The following RBFOX1 variants were observed in gnomAD, a reference collection of about 807,000 sequenced individuals.
The protein encoded by RBFOX1 is RNA binding protein fox-1 homolog 1.
In RBFOX1, 8 loss-of-function variants were observed where a neutral mutation model predicts 57.7. The ratio of observed to expected loss-of-function variants is 0.14; its 90% confidence interval spans 0.08 to 0.25. RBFOX1 has a LOEUF of 0.25. RBFOX1 is among the 10% of genes least tolerant of loss of function. The probability of loss-of-function intolerance (pLI) is 1.00; values close to 1 mark genes in which losing one functional copy is unlikely to be tolerated. For synonymous variants in RBFOX1, 326 were observed against 222.4 expected, an observed-to-expected ratio of 1.47 and a Z score of -4.15; for missense variants, 611 against 548.5, an observed-to-expected ratio of 1.11 and a Z score of -1.14.
At chr16:5,813,807 G>A (rs991184539) in intron 3 of RBFOX1, among the ~76,000 whole-genome samples, 1 of 152,142 alleles carries the variant, frequency 6.6e-6, no homozygotes, top group Non-Finnish European at 1.5e-5. Context: ...AGTCTCACTG[G>A]GAATTTTAGT....
intron 3 of RBFOX1, among the ~76,000 whole-genome samples, chr16:5,669,824 A>T (rs1596673760): frequency 6.6e-6 from 1 of 152,346 alleles, no homozygotes; most frequent in East Asian, 1.9e-4. Flanking sequence ...AACAATTGCC[A>T]TAGGGCCCAG....
intron 3 of RBFOX1, among the ~76,000 whole-genome samples, chr16:6,890,420 G>A (rs528521197): frequency 1.3e-3 from 195 of 152,308 alleles, no homozygotes; most frequent in Middle Eastern, 6.8e-3. Context: ...TTGGAAGGCT[G>A]AGGCTGGAGG....
intron 9 of RBFOX1, among the ~76,000 whole-genome samples, chr16:7,606,749 T>G (rs1037090285): frequency 6.6e-6 from 1 of 152,206 alleles, no homozygotes; most frequent in Non-Finnish European, 1.5e-5. Flanking sequence ...CATCAAAATG[T>G]AGGCCACAGT....
At chr16:6,087,465 T>C (rs2096104676) in intron 1 of RBFOX1, among the ~76,000 whole-genome samples, 1 of 152,160 alleles carries the variant, frequency 6.6e-6, no homozygotes. Flanking sequence ...CTTTCTAGCC[T>C]TTTTTCTCTA....
rs554622377 is a variant in RBFOX1 at position 6,861,279 on chromosome 16, G to T, written c.-15-190778G>T. ...CACTCTAACCATAGTCTTTGCAAAA[G>T]GGTTTTATACAAAAACAAGGTCCCT... On this transcript the variant is annotated intron_variant, in intron 3 of 15. Transcript: ENST00000550418. Among the ~76,000 whole-genome samples the T allele has an allele frequency of 1.5e-3, 234 of 152,158 alleles. 1 individual carries two copies. The highest frequency in any genetic ancestry group is 1.9e-3 in the Non-Finnish European group (128 of 68,000).
intron 4 of RBFOX1, among the ~76,000 whole-genome samples, chr16:7,485,053 A>T (rs1319362910): frequency 1.0e-5 from 1 of 98,992 alleles, no homozygotes; most frequent in South Asian, 5.2e-4. Context: ...GTTCCCCAAC[A>T]TTAATCCACT....
chr16:6,461,477 A>G (rs1472028975), intron 2 of RBFOX1, among the ~76,000 whole-genome samples: 1 of 152,208 alleles, frequency 6.6e-6, no homozygotes, highest in African/African-American at 2.4e-5. Flanking sequence ...ATTCCCATCC[A>G]TGATCTTTCA....
chr16:6,259,017 T>C (rs1234851841), intron 1 of RBFOX1, among the ~76,000 whole-genome samples: 1 of 152,226 alleles, frequency 6.6e-6, no homozygotes, highest in Non-Finnish European at 1.5e-5. Context: ...ATAGACTTTC[T>C]TATGCTCACT....
intron 4 of RBFOX1, among the ~76,000 whole-genome samples, chr16:7,311,367 C>T (rs1466888350): frequency 1.3e-5 from 2 of 152,036 alleles, no homozygotes; most frequent in African/African-American, 2.4e-5. Flanking sequence ...TTTTTTTTCT[C>T]CCCTTTTGTG....
chr16:6,033,275 C>A (rs766977343), intron 1 of RBFOX1, among the ~76,000 whole-genome samples: 18 of 152,128 alleles, frequency 1.2e-4, no homozygotes, highest in Non-Finnish European at 2.4e-4. Context: ...CGTTTCTAGG[C>A]AGGGAATGAT....
intron 2 of RBFOX1, among the ~76,000 whole-genome samples, chr16:6,511,164 A>T (rs1301149822): frequency 6.6e-6 from 1 of 152,152 alleles, no homozygotes; most frequent in Non-Finnish European, 1.5e-5. Flanking sequence ...GGGTTGGTGG[A>T]AAAGCCTCTG....
intron 4 of RBFOX1, among the ~76,000 whole-genome samples, chr16:7,104,110 A>G (rs1040219866): frequency 3.3e-5 from 5 of 152,188 alleles, no homozygotes; most frequent in Admixed American, 1.3e-4. Flanking sequence ...GTAATTTAAG[A>G]AATATGTACC....
intron 4 of RBFOX1, among the ~76,000 whole-genome samples, chr16:7,377,127 A>G (rs2097699330): frequency 6.6e-6 from 1 of 152,326 alleles, no homozygotes; most frequent in South Asian, 2.1e-4. Flanking sequence ...TCTATTGAGG[A>G]AATTACCTTT....
intron 5 of RBFOX1, among the ~76,000 whole-genome samples, chr16:7,522,217 G>A (rs2077662137): frequency 1.3e-5 from 2 of 152,216 alleles, no homozygotes; most frequent in Admixed American, 1.3e-4. Flanking sequence ...GCTAAAGGTA[G>A]CATGGTGAAC....
At chr16:6,976,945 A>G (rs201531980) in intron 3 of RBFOX1, among the ~76,000 whole-genome samples, 2 of 147,094 alleles carry the variant, frequency 1.4e-5, no homozygotes, top group African/African-American at 4.9e-5. Flanking sequence ...ATCATATACT[A>G]TATATCATAT....
chr16:7,061,676 A>G (rs752812265), intron 4 of RBFOX1, among the ~76,000 whole-genome samples: 2 of 152,170 alleles, frequency 1.3e-5, no homozygotes, highest in Non-Finnish European at 2.9e-5. Context: ...CTTTCCAGGG[A>G]AAATCTATTC....
chr16:7,688,751 A>G (rs2076681243), intron 14 of RBFOX1, among the ~76,000 whole-genome samples: 1 of 152,164 alleles, frequency 6.6e-6, no homozygotes, highest in Admixed American at 6.6e-5. Context: ...GGCTAGTGAC[A>G]TAAGAGTGAA....
chr16:5,412,023 G>A (rs1404635092), intron 1 of RBFOX1, among the ~76,000 whole-genome samples: 1 of 152,092 alleles, frequency 6.6e-6, no homozygotes, highest in Non-Finnish European at 1.5e-5. Context: ...TGAGAGTCAC[G>A]GGCAGTTTCT....
At chr16:7,706,692 C>T (rs1405418448) in intron 14 of RBFOX1, among the ~76,000 whole-genome samples, 1 of 152,184 alleles carries the variant, frequency 6.6e-6, no homozygotes, top group Admixed American at 6.5e-5. Context: ...ACTTCATATC[C>T]TATTTATGAA....
Sources: gnomAD v4.1 joint callset for allele counts (sites outside exome capture counted in the v4.1 genomes callset) on GRCh38, gnomAD v4.1.1 for gene constraint, MANE v1.5 for transcripts, NCBI Gene and HGNC (gene_info 2026-07-23, HGNC 2026-07-21) for gene names.